The following DHX37 variants were observed in gnomAD, a reference collection of about 807,000 sequenced individuals.
The protein encoded by DHX37 is DEAH-box helicase 37, also known as probable ATP-dependent RNA helicase DHX37.
A neutral mutation model predicts 134.3 loss-of-function variants in DHX37; 52 were observed. The ratio of observed to expected loss-of-function variants is 0.39; its 90% CI spans 0.31 to 0.49. The LOEUF (loss-of-function observed/expected upper bound fraction) is 0.49. Ranked by LOEUF, DHX37 falls within the 20% of genes least tolerant of loss-of-function variation. The probability of loss-of-function intolerance (pLI) is 0.93; values close to 1 mark genes in which losing one functional copy is unlikely to be tolerated. For missense variants in DHX37, 1,344 were observed against 1,580.8 expected, an observed-to-expected ratio of 0.85 and a Z score of 2.54; for synonymous variants, 634 against 670.7, an observed-to-expected ratio of 0.95 and a Z score of 0.85.
At position 124,957,035 on chromosome 12, in the gene DHX37, G is replaced by A. The variant is rs1411150077; in HGVS notation, c.2258C>T (p.Ala753Val). ...ALGALQPPQK[A>V]ERVKQLQENR... The stretch of plus-strand genomic sequence containing the variant: ...CTGCATCTCTTGGCCTTACCTTTCT[G>A]CTTTCTGGGGCGGTTGCAGGGCACC... Residue 753 changes from alanine (A) to valine (V), a missense_variant, in exon 17 of 27, where the codon GCA becomes GTA. Transcript: ENST00000308736. 6.6e-7 allele frequency: 1 copy of A among 1,513,740 alleles called. No homozygotes were observed. The highest frequency in any genetic ancestry group is 1.3e-5 in the South Asian group (1 of 75,552). 93.8% of individuals were successfully genotyped at this position (1,513,740 alleles called of 1,614,324 possible).
At chr12:124,971,257 G>A in intron 8 of DHX37, 45 bp downstream of exon 8, 1 of 1,590,554 alleles carries the variant, frequency 6.3e-7, no homozygotes, top group Non-Finnish European at 8.6e-7. Flanking sequence ...AGAGCTGGGG[G>A]GGGCCTAGGG....
chr12:124,969,041 G>A (rs1266131727), intron 8 of DHX37, 73 bp from the exon 9 acceptor site: 18 of 1,445,370 alleles, frequency 1.2e-5, no homozygotes, highest in Non-Finnish European at 1.7e-5. Flanking sequence ...AATCGGCATG[G>A]GGGTGCCCTG....
chr12:124,950,964 G>T, intron 21 of DHX37, 160 bp from the exon 22 acceptor site: 1 of 741,246 alleles, frequency 1.3e-6, no homozygotes, highest in Non-Finnish European at 1.6e-6. Flanking sequence ...GCTGGAGTCT[G>T]ATCCAGCCGT....
Position 124,952,387 on chromosome 12 carries a change from G to A in DHX37, c.2868+11C>T. On this transcript the variant is annotated intron_variant, in intron 21 of 26. Coordinates refer to ENST00000308736, the MANE Select transcript of DHX37 (RefSeq NM_032656.4). ...CAAGCTACCCGGGCAGGGAGGCGGT[G>A]GGGGCCGCACCTTGTAGGCGTTCCT... 1 of 1,599,420 alleles carries A rather than the reference G, an allele frequency of 6.3e-7. No individual in the cohort carries two copies. The highest frequency in any genetic ancestry group is 8.5e-7 in the Non-Finnish European group (1 of 1,175,516).
intron 2 of DHX37, among the ~76,000 whole-genome samples, chr12:124,985,732 CAAAA>C (rs148831299): frequency 1.2e-5 from 1 of 83,362 alleles, no homozygotes; most frequent in Non-Finnish European, 2.3e-5. Flanking sequence ...GACTCCATCT[CAAAA>C]AAAAAAAATT....
chr12:124,952,209 G>C (rs1036252106), intron 21 of DHX37, among the ~76,000 whole-genome samples, 189 bp downstream of exon 21: 1 of 151,938 alleles, frequency 6.6e-6, no homozygotes, highest in Non-Finnish European at 1.5e-5. Context: ...CCACTAAACT[G>C]TTATTAAAAA....
chr12:124,980,688 G>T lies in DHX37; in HGVS notation c.540C>A (p.Asp180Glu), dbSNP rs78350183. 11 of 1,580,048 alleles carry T rather than the reference G, an allele frequency of 7.0e-6. No individual in the cohort carries two copies. Among genetic ancestry groups the T allele is most frequent in the Middle Eastern group, 1.9e-4 (1 of 5,308 alleles). ...ESELEEESEL[D>E]EDPAAEPAEA... ...CAGCCGGCTCAGCAGCTGGGTCCTC[G>T]TCCAGCTCCGACTCCTCCTCCAGCT... Residue 180 changes from aspartate to glutamate, a missense_variant, in exon 4 of 27, where the codon GAC becomes GAA. Asp to Glu is a conservative substitution (Grantham distance 45, BLOSUM62 2). Transcript: ENST00000308736. This position sits in a 1 kb window ranked among gnomAD's most constrained non-coding sequence, Gnocchi z 5.3.
rs541143062 is a variant in DHX37, at chr12:124,949,451, G to A, written c.3290+535C>T. ...GAGCCCTGAAGCAGAGGTGGTGGGCGGGATGGGGCAGGGGTCTGCTTAGCT... is the reference window on the plus strand; with the variant it reads ...GAGCCCTGAAGCAGAGGTGGTGGGCAGGATGGGGCAGGGGTCTGCTTAGCT... On this transcript the variant is annotated intron_variant, in intron 25 of 26. Transcript: ENST00000308736. This position sits in a 1 kb window ranked among gnomAD's most constrained non-coding sequence, Gnocchi z 4.0. Among the ~76,000 whole-genome samples the A allele has an allele frequency of 2.0e-3, 292 of 142,468 alleles. No individual in the cohort carries two copies. Among genetic ancestry groups the A allele is most frequent in the African/African-American group, 6.6e-3 (267 of 40,676 alleles). 93.5% of individuals were successfully genotyped at this position (142,468 alleles called of 152,430 possible).
rs920938198 is a variant in DHX37, at chr12:124,975,479, C to T, written c.920G>A (p.Arg307His). The T allele has an allele frequency of 8.1e-6, 13 of 1,612,520 alleles. No homozygotes were observed. The highest frequency in any genetic ancestry group is 1.1e-5 in the South Asian group (1 of 91,090). The change falls in exon 6 of 27, where the codon CGC (arginine) becomes CAC (histidine). Residue 307 changes from arginine (R) to histidine (H), a missense_variant. Arg to His is a conservative substitution (Grantham distance 29). This residue lies in a region of DHX37 where 77 missense variants were observed against 121.6 expected (regional missense o/e 0.63). Transcript: ENST00000308736. Reference protein sequence around the residue: ...EDSIIGVTEPRRVAAVAMSQR... With the variant: ...EDSIIGVTEPHRVAAVAMSQR... ...GGACATGGCCACGGCGGCCACTCGGCGGGGCTCCGTGACACCGATGATGCT... is the reference window on the plus strand; with the variant it reads ...GGACATGGCCACGGCGGCCACTCGGTGGGGCTCCGTGACACCGATGATGCT...
chr12:124,950,516 G>C lies in DHX37; in HGVS notation c.3018C>G (p.Ala1006=). 1 of 1,565,974 alleles carries C rather than the reference G, an allele frequency of 6.4e-7. No individual in the cohort carries two copies. The highest frequency in any genetic ancestry group is 8.6e-7 in the Non-Finnish European group (1 of 1,156,168). ...VSSVEVQWIP[A]LLPSYCQFDK... ...CAAACTGGCAGTAAGAGGGCAGCAG[G>C]GCCGGGATCCACTGGACCTCCACGC... is the stretch of plus-strand genomic sequence containing the variant. The change falls in exon 23 of 27, where the codon GCC becomes GCG. Residue 1006 remains alanine (A), a synonymous_variant. Transcript: ENST00000308736.
At chr12:124,956,905 T>C (rs759424531) in intron 17 of DHX37, 26 bp from the exon 18 acceptor site, 2 of 1,567,004 alleles carry the variant, frequency 1.3e-6, no homozygotes, top group Non-Finnish European at 1.7e-6. Flanking sequence ...GTGGTGGCAG[T>C]GCTCTGAGAG....
chr12:124,963,567 G>C (rs1404601063), intron 15 of DHX37, among the ~76,000 whole-genome samples: 1 of 152,124 alleles, frequency 6.6e-6, no homozygotes, highest in Non-Finnish European at 1.5e-5. Flanking sequence ...CCTGACCTCA[G>C]TAGCAGAATA....
At chr12:124,966,356 C>G (rs769488717) in intron 12 of DHX37, among the ~76,000 whole-genome samples, 10 of 152,152 alleles carry the variant, frequency 6.6e-5, no homozygotes, top group Non-Finnish European at 1.5e-4. Context: ...GCGTAGCCAC[C>G]ACGCCTGGCC....
At position 124,947,700 on chromosome 12, in the gene DHX37, G is replaced by C. The variant is rs1038729859; in HGVS notation, c.*102C>G. On this transcript the variant is annotated 3_prime_UTR_variant, in exon 27 of 27. Coordinates refer to ENST00000308736, the MANE Select transcript of DHX37 (RefSeq NM_032656.4). ...GGGCTTGACCCACTTCCTGAGAGCA[G>C]GCCACGAAGCCCATGCCAGGTGGTC... 2.1e-6 allele frequency: 3 copies of C among 1,412,304 alleles called. No individual in the cohort carries two copies. The highest frequency in any genetic ancestry group is 2.8e-6 in the Non-Finnish European group (3 of 1,062,234). The allele number at this position is 1,412,304 out of a possible 1,614,324, so 87.5% of individuals were successfully genotyped here.
intron 18 of DHX37, 51 bp from the exon 19 acceptor site, chr12:124,954,262 G>A (rs755949436): frequency 1.1e-5 from 16 of 1,518,466 alleles, no homozygotes; most frequent in Non-Finnish European, 1.3e-5. Flanking sequence ...CTGCGCTCAG[G>A]GCCTCAGCGG....
At chr12:124,955,342 G>A (rs899972529) in intron 18 of DHX37, among the ~76,000 whole-genome samples, 3 of 152,204 alleles carry the variant, frequency 2.0e-5, no homozygotes, top group East Asian at 1.9e-4. Flanking sequence ...CCCTGCCCTC[G>A]ATGCTCCTGG....
In DHX37 at chr12:124,956,676, C is replaced by T. The variant is rs1220972091; in HGVS notation, c.2453+15G>A. 1 of 1,526,686 alleles carries T rather than the reference C, an allele frequency of 6.6e-7. No individual in the cohort carries two copies. The allele number at this position is 1,526,686 out of a possible 1,614,324, so 94.6% of individuals were successfully genotyped here. A position where few individuals can be genotyped will look rare whatever the true frequency, so the allele number is the denominator to read the frequency against. On this transcript the variant is annotated intron_variant, in intron 18 of 26. Coordinates refer to ENST00000308736, the MANE Select transcript of DHX37 (RefSeq NM_032656.4). ...ACTGAGCTTGGCCCTGAGTGCCCAG[C>T]CGCCAACCTCGCACCTGTCCAGCTC...
At position 124,950,170 on chromosome 12, in the gene DHX37, G is replaced by A. The variant is rs4078216; in HGVS notation, c.3195C>T (p.Ala1065=). 396,639 of 1,613,888 alleles carry A rather than the reference G, an allele frequency of 0.25. 53,636 individuals are homozygous for A. The highest frequency in any genetic ancestry group is 0.58 in the East Asian group (26,066 of 44,856). ...CTACCTGCCCTTCCAGCAGGAACCG[G>A]GCAAAGTGCTTGTAGCGGTCAATCC... ...PEGIDRYKHF[A]RFLLEGQVFR... The change falls in exon 24 of 27, where the codon GCC becomes GCT. Residue 1065 remains alanine, a synonymous_variant. Transcript: ENST00000308736.
chr12:124,961,098 C>G (rs1410483996), intron 15 of DHX37, among the ~76,000 whole-genome samples: 2 of 152,360 alleles, frequency 1.3e-5, no homozygotes, highest in South Asian at 2.1e-4. Context: ...AACATGTAGC[C>G]CTGACAAAAG....
Sources: gnomAD v4.1 joint callset for allele counts (sites outside exome capture counted in the v4.1 genomes callset) on GRCh38, gnomAD v4.1.1 for gene constraint, gnomAD v4.1.1 regional missense constraint, Gnocchi (gnomAD v3.1) non-coding constraint, MANE v1.5 for transcripts, NCBI Gene and HGNC (gene_info 2026-07-23, HGNC 2026-07-21) for gene names.